NME8: variants seen among roughly 807,000 people sequenced by gnomAD.
NME8 encodes the protein protein NME8.
In NME8, 72 loss-of-function variants were observed where a neutral mutation model predicts 82.3. The ratio of observed to expected loss-of-function variants is 0.87; its 90% CI spans 0.72 to 1.06. NME8 has a LOEUF of 1.06. NME8 is among the 50% of genes least tolerant of loss of function. NME8 has a pLI of 0.00. For missense variants in NME8, 712 were observed against 685.4 expected (o/e 1.04, Z -0.43); for synonymous variants, 267 against 228.5 (o/e 1.17, Z -1.52).
intron 2 of NME8, among the ~76,000 whole-genome samples, chr7:37,849,787 C>G (rs1289117710): frequency 6.6e-6 from 1 of 151,084 alleles, no homozygotes; most frequent in Non-Finnish European, 1.5e-5. Context: ...AGGAGAATCG[C>G]TTGAACCCAG....
chr7:37,886,423 A>G (rs1298509117), intron 14 of NME8, among the ~76,000 whole-genome samples: 3 of 152,058 alleles, frequency 2.0e-5, no homozygotes, highest in Non-Finnish European at 4.4e-5. Flanking sequence ...TTTATTTCTA[A>G]TTGATCCCCA....
rs563767895 is a variant in NME8, at chr7:37,883,616, G to A, written c.995-687G>A. ...TGACCTGCACAGCTCCAAAGATCAT[G>A]TCCCTCAAACATTCAAAAGCAGGAA... On this transcript the variant is annotated intron_variant, in intron 12 of 17. Transcript: ENST00000199447. 7.9e-5 allele frequency among the ~76,000 whole-genome samples: 12 copies of A among 152,268 alleles called. No individual in the cohort carries two copies. In the East Asian group the frequency reaches 2.3e-3, roughly 29 times the overall value.
At chr7:37,883,110 C>G (rs1170766356) in intron 12 of NME8, among the ~76,000 whole-genome samples, 2 of 152,074 alleles carry the variant, frequency 1.3e-5, no homozygotes, top group African/African-American at 4.8e-5. Flanking sequence ...ACCTACTCTC[C>G]CATTAAATCT....
intron 12 of NME8, among the ~76,000 whole-genome samples, chr7:37,880,455 G>A (rs1784926513): frequency 6.6e-6 from 1 of 152,210 alleles, no homozygotes; most frequent in African/African-American, 2.4e-5. Flanking sequence ...TGACAAGACT[G>A]TCCTTCCTCC....
chr7:37,875,432 C>A (rs937521757), intron 11 of NME8, among the ~76,000 whole-genome samples: 1 of 151,086 alleles, frequency 6.6e-6, no homozygotes, highest in Non-Finnish European at 1.5e-5. Flanking sequence ...ACACAGCCCC[C>A]CATAGCCCCC....
intron 13 of NME8, 133 bp downstream of exon 13, chr7:37,884,580 G>C (rs1785012525): frequency 2.8e-6 from 2 of 722,458 alleles, no homozygotes; most frequent in South Asian, 3.3e-5. Flanking sequence ...TTCTCTACCA[G>C]TCCTGCTCCC....
At chr7:37,853,164 T>A (rs577653874) in intron 5 of NME8, among the ~76,000 whole-genome samples, 1 of 152,314 alleles carries the variant, frequency 6.6e-6, no homozygotes, top group African/African-American at 2.4e-5. Context: ...CTTATTTTTT[T>A]AATTGGGTTG....
chr7:37,867,579 G>A, intron 10 of NME8, 123 bp from the exon 11 acceptor site: 1 of 742,706 alleles, frequency 1.3e-6, no homozygotes, highest in Non-Finnish European at 2.4e-6. Flanking sequence ...ATTTATAAGA[G>A]TAACATTCCT....
chr7:37,900,140 C>T (rs1388843563), intron 17 of NME8, 104 bp from the exon 18 acceptor site: 3 of 152,210 alleles, frequency 2.0e-5, no homozygotes, highest in Non-Finnish European at 2.9e-5. Context: ...TCTCCCAGCT[C>T]TGTGATTTGT....
At chr7:37,851,889 C>G (rs1412624741) in intron 5 of NME8, among the ~76,000 whole-genome samples, 1 of 152,140 alleles carries the variant, frequency 6.6e-6, no homozygotes, top group East Asian at 1.9e-4. Flanking sequence ...TTTCATGGCC[C>G]CTTTCAACCC....
chr7:37,884,160 C>T (rs549900251), intron 12 of NME8, 143 bp from the exon 13 acceptor site: 1 of 633,266 alleles, frequency 1.6e-6, no homozygotes, highest in African/African-American at 1.8e-5. Flanking sequence ...TAAATTAAAA[C>T]CTAAGAAGGT....
intron 12 of NME8, among the ~76,000 whole-genome samples, chr7:37,882,589 A>C (rs868065926): frequency 7.7e-5 from 4 of 52,284 alleles, no homozygotes; most frequent in South Asian, 8.3e-4. Context: ...GAAAGAAAGA[A>C]AGAAAGAAAG....
intron 15 of NME8, 35 bp from the exon 16 acceptor site, chr7:37,894,431 A>C: frequency 1.2e-6 from 2 of 1,602,880 alleles, no homozygotes; most frequent in Non-Finnish European, 1.7e-6. Flanking sequence ...AAAGTGAAGC[A>C]ATCTGCAATA....
In NME8 at chr7:37,850,319, A is replaced by T; in HGVS notation, c.33+20A>T. Reference sequence around the variant, plus strand: ...TTACAGGTGGGTCTGACATATCAACAATTCTTTATCTGGTGCACTAGTGCT... The same window carrying T: ...TTACAGGTGGGTCTGACATATCAACTATTCTTTATCTGGTGCACTAGTGCT... On this transcript the variant is annotated intron_variant, in intron 3 of 17. Transcript: ENST00000199447. 6.2e-7 allele frequency: 1 copy of T among 1,614,168 alleles called. No homozygotes were observed. Among genetic ancestry groups the T allele is most frequent in the Non-Finnish European group, 8.5e-7 (1 of 1,179,956 alleles).
chr7:37,878,681 T>C (rs1241025054), intron 12 of NME8, among the ~76,000 whole-genome samples: 2 of 152,198 alleles, frequency 1.3e-5, no homozygotes, highest in Non-Finnish European at 2.9e-5. Flanking sequence ...TTTAAATAAA[T>C]AGACTTTACA....
intron 12 of NME8, among the ~76,000 whole-genome samples, chr7:37,883,148 C>T (rs539620541): frequency 6.6e-6 from 1 of 152,260 alleles, no homozygotes; most frequent in East Asian, 1.9e-4. Context: ...GCAGATTTAC[C>T]TTCCCTGAAT....
intron 11 of NME8, among the ~76,000 whole-genome samples, chr7:37,871,351 G>C (rs959379859): frequency 1.1e-4 from 17 of 152,182 alleles, no homozygotes; most frequent in Non-Finnish European, 1.5e-4. Context: ...TCACATTCCA[G>C]CTTCTTTCAT....
intron 9 of NME8, among the ~76,000 whole-genome samples, chr7:37,865,291 G>A (rs146919512): frequency 5.1e-4 from 77 of 152,266 alleles, no homozygotes; most frequent in African/African-American, 1.6e-3. Context: ...GGGAGAAATT[G>A]GCCAAAATGA....
At chr7:37,872,616 G>A (rs999727786) in intron 11 of NME8, among the ~76,000 whole-genome samples, 19 of 152,160 alleles carry the variant, frequency 1.2e-4, no homozygotes, top group African/African-American at 4.3e-4. Flanking sequence ...CATCATTTGA[G>A]ACTCAAATTA....
Sources: allele counts gnomAD v4.1 joint callset (sites outside exome capture counted in the v4.1 genomes callset), GRCh38; gene constraint gnomAD v4.1.1; transcripts MANE v1.5; gene names NCBI Gene and HGNC (gene_info 2026-07-23, HGNC 2026-07-21).